The following PEX7 variants were observed in gnomAD, a reference collection of about 807,000 sequenced individuals.
The protein encoded by PEX7 is PTS2 receptor.
Under a neutral mutation model 47.5 loss-of-function variants are expected in PEX7, and 34 were observed. That is an observed-to-expected ratio of 0.72 (90% CI 0.54 to 0.95). The LOEUF is 0.95. PEX7 is among the 40% of genes least tolerant of loss of function. The pLI is 0.00. For synonymous variants in PEX7, 141 were observed against 148.8 expected, an observed-to-expected ratio of 0.95 and a Z score of 0.38; for missense variants, 394 against 400.3, an observed-to-expected ratio of 0.98 and a Z score of 0.13.
chr6:136,866,800 G>T (rs1294595953), intron 6 of PEX7, 67 bp downstream of exon 6: 9 of 1,392,578 alleles, frequency 6.5e-6, no homozygotes, highest in Non-Finnish European at 8.1e-6. Context: ...AATTTTATTT[G>T]TCTTTGTTTA....
intron 6 of PEX7, among the ~76,000 whole-genome samples, chr6:136,867,294 A>C (rs1582758138): frequency 6.6e-6 from 1 of 152,312 alleles, no homozygotes; most frequent in East Asian, 1.9e-4. Context: ...ACAGTCATGC[A>C]CTGCATAACA....
intron 9 of PEX7, among the ~76,000 whole-genome samples, chr6:136,909,868 A>G (rs1374334758): frequency 6.6e-6 from 1 of 152,320 alleles, no homozygotes; most frequent in South Asian, 2.1e-4. Context: ...CAGAAACATA[A>G]TTTATAGATA....
chr6:136,826,666 A>C (rs184093652), intron 3 of PEX7, among the ~76,000 whole-genome samples, 197 bp downstream of exon 3: 1 of 151,960 alleles, frequency 6.6e-6, no homozygotes, highest in East Asian at 1.9e-4. Flanking sequence ...GGGGAAAGAA[A>C]AGAAAAGGTC....
At chr6:136,825,294 A>G (rs566604333) in intron 2 of PEX7, 23 bp downstream of exon 2, 8 of 1,572,882 alleles carry the variant, frequency 5.1e-6, no homozygotes, top group Non-Finnish European at 6.1e-6. Flanking sequence ...AAATTATTAA[A>G]GGTATATATT....
chr6:136,883,650 C>A (rs1318795577), intron 8 of PEX7, among the ~76,000 whole-genome samples: 1 of 152,124 alleles, frequency 6.6e-6, no homozygotes, highest in African/African-American at 2.4e-5. Flanking sequence ...ATGATAATTT[C>A]CAGCCCCTGT....
chr6:136,866,219 G>A (rs1193420780), intron 5 of PEX7, among the ~76,000 whole-genome samples: 3 of 151,796 alleles, frequency 2.0e-5, no homozygotes, highest in Admixed American at 6.6e-5. Context: ...CTCCATTTTG[G>A]CTTGGTAGAC....
At chr6:136,865,225 A>C (rs1775041878) in intron 5 of PEX7, among the ~76,000 whole-genome samples, 2 of 152,006 alleles carry the variant, frequency 1.3e-5, no homozygotes, top group African/African-American at 2.4e-5. Context: ...CTGAGGTGGG[A>C]AGATTGCCTG....
In PEX7 at chr6:136,822,765, T is replaced by G. The variant is rs1774101933; in HGVS notation, c.100T>G (p.Cys34Gly). The change falls in exon 1 of 10, where the codon TGC (cysteine) becomes GGC (glycine). Residue 34 changes from cysteine (C) to glycine (G), a missense_variant. Coordinates refer to ENST00000318471, the MANE Select transcript of PEX7 (RefSeq NM_000288.4). ...FSPYLPGRLA[C>G]ATAQHYGIAG... Reference sequence around the variant, plus strand: ...CCCGTACCTGCCGGGCCGCCTGGCCTGCGCCACCGCGCAGCACTACGGCAT... The same window carrying G: ...CCCGTACCTGCCGGGCCGCCTGGCCGGCGCCACCGCGCAGCACTACGGCAT... 1.4e-6 allele frequency: 2 copies of G among 1,469,784 alleles called. No homozygotes were observed. The highest frequency in any genetic ancestry group is 9.0e-7 in the Non-Finnish European group (1 of 1,117,180). The allele number at this position is 1,469,784 out of a possible 1,614,324, so 91.0% of individuals were successfully genotyped here.
chr6:136,894,462 C>T (rs937004716), intron 8 of PEX7, among the ~76,000 whole-genome samples: 13 of 152,216 alleles, frequency 8.5e-5, no homozygotes, highest in East Asian at 1.9e-4. Context: ...TAGTGGCGTG[C>T]GCCTGTAATT....
At chr6:136,860,898 T>A (rs1222101146) in intron 5 of PEX7, among the ~76,000 whole-genome samples, 1 of 152,168 alleles carries the variant, frequency 6.6e-6, no homozygotes, top group East Asian at 1.9e-4. Flanking sequence ...TCTCACCACG[T>A]CCCACCCCAG....
At chr6:136,862,407 G>A (rs1290571767) in intron 5 of PEX7, among the ~76,000 whole-genome samples, 1 of 151,622 alleles carries the variant, frequency 6.6e-6, no homozygotes, top group Non-Finnish European at 1.5e-5. Context: ...ACAGGGTCTT[G>A]TTCTGTCACC....
intron 3 of PEX7, among the ~76,000 whole-genome samples, chr6:136,836,591 A>T (rs149878978): frequency 3.9e-4 from 60 of 152,352 alleles, no homozygotes; most frequent in African/African-American, 1.4e-3. Context: ...ATTGAAAATA[A>T]TTATTCAAGT....
At chr6:136,871,527 A>G (rs1775181584) in intron 7 of PEX7, among the ~76,000 whole-genome samples, 1 of 152,086 alleles carries the variant, frequency 6.6e-6, no homozygotes, top group South Asian at 2.1e-4. Context: ...AATCCCTTAT[A>G]TTTGTAAGAA....
In PEX7 at chr6:136,913,572, G is replaced by T; in HGVS notation, c.*46G>T. The T allele has an allele frequency of 8.6e-7, 1 of 1,169,182 alleles. No homozygotes were observed. The highest frequency in any genetic ancestry group is 1.9e-4 in the Middle Eastern group (1 of 5,226). 72.4% of individuals were successfully genotyped at this position (1,169,182 alleles called of 1,614,324 possible). On this transcript the variant is annotated 3_prime_UTR_variant, in exon 10 of 10. Coordinates refer to ENST00000318471, the MANE Select transcript of PEX7 (RefSeq NM_000288.4). ...AACAGAGGATGTTGGCTGAAGAACT[G>T]CCTAACAGCAAATAAATTAACTATG...
At chr6:136,848,888 G>T (rs143377509) in intron 5 of PEX7, among the ~76,000 whole-genome samples, 2 of 152,000 alleles carry the variant, frequency 1.3e-5, no homozygotes, top group African/African-American at 4.8e-5. Context: ...GGAGGATTCC[G>T]TCTTGTTCTA....
chr6:136,845,310 T>C (rs1774575887), intron 3 of PEX7, among the ~76,000 whole-genome samples: 1 of 152,246 alleles, frequency 6.6e-6, no homozygotes, highest in Non-Finnish European at 1.5e-5. Flanking sequence ...TTCGTGGGGC[T>C]GCAAACAGTG....
intron 5 of PEX7, among the ~76,000 whole-genome samples, chr6:136,862,118 G>T (rs1774977681): frequency 6.8e-6 from 1 of 146,066 alleles, no homozygotes; most frequent in African/African-American, 2.5e-5. Context: ...CCAGGCTGGA[G>T]TTAAGGGGCG....
At chr6:136,840,000 G>C (rs1188074434) in intron 3 of PEX7, among the ~76,000 whole-genome samples, 1 of 152,110 alleles carries the variant, frequency 6.6e-6, no homozygotes, top group African/African-American at 2.4e-5. Context: ...AGGGGAAGTT[G>C]GAATGAATTA....
rs571455052 is a variant in PEX7 at position 136,825,725 on chromosome 6, G to A, written c.188+454G>A. On this transcript the variant is annotated intron_variant, in intron 2 of 9. Transcript: ENST00000318471. Reference sequence around the variant, plus strand: ...ATTTTTGTATTTTTTAGTAGAGATGGGGTTTCATCATTTTGGCCAGGCTGG... The same window carrying A: ...ATTTTTGTATTTTTTAGTAGAGATGAGGTTTCATCATTTTGGCCAGGCTGG... Among the ~76,000 whole-genome samples the A allele has an allele frequency of 3.3e-5, 5 of 152,146 alleles. No homozygotes were observed. The South Asian group carries it at 8.3e-4, about 25-fold the overall frequency.
Sources: gnomAD v4.1 joint callset for allele counts (sites outside exome capture counted in the v4.1 genomes callset) on GRCh38, gnomAD v4.1.1 for gene constraint, MANE v1.5 for transcripts, NCBI Gene and HGNC (gene_info 2026-07-23, HGNC 2026-07-21) for gene names.